The following PIEZO2 variants were observed in gnomAD, a reference collection of about 807,000 sequenced individuals.
The protein encoded by PIEZO2 is piezo-type mechanosensitive ion channel component 2.
In PIEZO2, 172 loss-of-function variants were observed where a neutral mutation model predicts 337.3. The ratio of observed to expected loss-of-function variants is 0.51; its 90% CI spans 0.45 to 0.58. The LOEUF (loss-of-function observed/expected upper bound fraction) is 0.58. Ranked by LOEUF, PIEZO2 falls within the 20% of genes least tolerant of loss-of-function variation. PIEZO2 has a pLI of 0.00. For synonymous variants in PIEZO2, 1,251 were observed against 1,228.5 expected (o/e 1.02, Z -0.38); for missense variants, 3,028 against 3,391.3 (o/e 0.89, Z 2.66).
At chr18:10,718,928 G>GT (rs2036127859) in intron 36 of PIEZO2, among the ~76,000 whole-genome samples, 1 of 151,680 alleles carries the variant, frequency 6.6e-6, no homozygotes, top group African/African-American at 2.4e-5. Flanking sequence ...CCTGGGAGCC[G>GT]TGATTGTGCC....
chr18:10,809,955 T>C (rs2040136075), intron 7 of PIEZO2, among the ~76,000 whole-genome samples: 1 of 152,064 alleles, frequency 6.6e-6, no homozygotes, highest in Admixed American at 6.6e-5. Context: ...ATGACACAAT[T>C]ACAGAGCAGC....
At chr18:10,686,942 G>A (rs550861758) in intron 49 of PIEZO2, among the ~76,000 whole-genome samples, 4 of 152,144 alleles carry the variant, frequency 2.6e-5, no homozygotes, top group Non-Finnish European at 5.9e-5. Flanking sequence ...TCAGGGCAAA[G>A]GACCTAGGAA....
rs918039291 is a variant in PIEZO2 at position 10,795,812 on chromosome 18, C to T, written c.1528-810G>A. Among the ~76,000 whole-genome samples, 18 of 152,136 alleles carry T rather than the reference C, an allele frequency of 1.2e-4. No homozygotes were observed. Among genetic ancestry groups the T allele is most frequent in the African/African-American group, 4.1e-4 (17 of 41,422 alleles). On this transcript the variant is annotated intron_variant, in intron 12 of 55. Transcript: ENST00000674853. This position sits in a 1 kb window ranked among gnomAD's most constrained non-coding sequence, Gnocchi z 4.4. Reference sequence around the variant, plus strand: ...CATCAAAGGTGTCCATAGGATCTCACTGTTGACCACAGAATTTGGAAGAGT... The same window carrying T: ...CATCAAAGGTGTCCATAGGATCTCATTGTTGACCACAGAATTTGGAAGAGT...
Position 11,032,111 on chromosome 18 carries a change from A to G in PIEZO2, c.160+34016T>C, listed in dbSNP as rs972935329. Among the ~76,000 whole-genome samples the G allele has an allele frequency of 1.3e-5, 2 of 152,208 alleles. No homozygotes were observed. The highest frequency in any genetic ancestry group is 2.4e-5 in the African/African-American group (1 of 41,456). On this transcript the variant is annotated intron_variant, in intron 2 of 55. Transcript: ENST00000674853. The surrounding 1 kb of genome is among the most constrained non-coding windows in gnomAD (Gnocchi z 4.9). ...CCAAAGCGTGTGCTACATGGCCCCA[A>G]TCATGCTATTTGAATTGAGTAACAA...
chr18:11,035,713 T>C lies in PIEZO2; in HGVS notation c.160+30414A>G, dbSNP rs2036904567. On this transcript the variant is annotated intron_variant, in intron 2 of 55. Coordinates refer to ENST00000674853, the MANE Select transcript of PIEZO2 (RefSeq NM_001378183.1). This position sits in a 1 kb window ranked among gnomAD's most constrained non-coding sequence, Gnocchi z 4.3. ...GGACACAGAGGGTTGGAAAGTGTGATTATGATGATGAAATTATTATTCCAC... is the reference window on the plus strand; with the variant it reads ...GGACACAGAGGGTTGGAAAGTGTGACTATGATGATGAAATTATTATTCCAC... Among the ~76,000 whole-genome samples the C allele has an allele frequency of 6.6e-6, 1 of 152,182 alleles. No individual in the cohort carries two copies. Among genetic ancestry groups the C allele is most frequent in the Non-Finnish European group, 1.5e-5 (1 of 68,038 alleles).
At chr18:10,857,572 A>T (rs2041741945) in intron 5 of PIEZO2, among the ~76,000 whole-genome samples, 2 of 152,220 alleles carry the variant, frequency 1.3e-5, no homozygotes, top group Admixed American at 6.5e-5. Context: ...TTGGCCACCA[A>T]GGTGATAAGA....
chr18:10,808,336 C>T (rs888493749), intron 7 of PIEZO2, among the ~76,000 whole-genome samples: 6 of 152,180 alleles, frequency 3.9e-5, no homozygotes, highest in African/African-American at 1.4e-4. Flanking sequence ...AAGTGATCCT[C>T]CCAAGTTAGT....
intron 36 of PIEZO2, 122 bp from the exon 37 acceptor site, chr18:10,718,381 TC>T: frequency 1.3e-6 from 1 of 795,854 alleles, no homozygotes; most frequent in Non-Finnish European, 2.0e-6. Flanking sequence ...TTTCAAGAGT[TC>T]CTTGGGGAAA....
At chr18:11,119,152 T>C (rs1339289731) in intron 1 of PIEZO2, among the ~76,000 whole-genome samples, 1 of 37,288 alleles carries the variant, frequency 2.7e-5, no homozygotes, top group Non-Finnish European at 1.6e-4. Context: ...ATTTGCTTTT[T>C]TTTTTTTTTT....
At chr18:11,137,918 T>TA (rs1193174059) in intron 1 of PIEZO2, among the ~76,000 whole-genome samples, 1 of 152,244 alleles carries the variant, frequency 6.6e-6, no homozygotes, top group Non-Finnish European at 1.5e-5. Context: ...GGATGTGACT[T>TA]AAGTTTTACC....
chr18:10,928,492 CAG>C (rs2031889110), intron 3 of PIEZO2, among the ~76,000 whole-genome samples: 3 of 152,192 alleles, frequency 2.0e-5, no homozygotes, highest in Admixed American at 2.0e-4. Context: ...GGGAGGGAGC[CAG>C]AGTTTCATCC....
chr18:11,011,026 C>T (rs141674667), intron 2 of PIEZO2, among the ~76,000 whole-genome samples: 43 of 152,348 alleles, frequency 2.8e-4, no homozygotes, highest in East Asian at 1.3e-3. Flanking sequence ...CCCCATGCTA[C>T]GTGGTGTGAA....
intron 39 of PIEZO2, among the ~76,000 whole-genome samples, chr18:10,710,037 TG>T (rs1428338414): frequency 2.0e-5 from 3 of 152,388 alleles, no homozygotes; most frequent in South Asian, 4.1e-4. Flanking sequence ...TGCCCCTTTC[TG>T]GGGCCCCAAT....
At chr18:10,910,198 T>G (rs2030339134) in intron 4 of PIEZO2, among the ~76,000 whole-genome samples, 1 of 152,244 alleles carries the variant, frequency 6.6e-6, no homozygotes, top group Non-Finnish European at 1.5e-5. Flanking sequence ...ATAGCTATAT[T>G]TCCACTGAAA....
At chr18:10,887,766 A>G (rs1049894484) in intron 4 of PIEZO2, among the ~76,000 whole-genome samples, 12 of 152,066 alleles carry the variant, frequency 7.9e-5, no homozygotes, top group African/African-American at 2.7e-4. Flanking sequence ...CATGCCTTTG[A>G]CAATCTGAAT....
chr18:11,030,089 T>C (rs2036677001), intron 2 of PIEZO2, among the ~76,000 whole-genome samples: 1 of 152,214 alleles, frequency 6.6e-6, no homozygotes, highest in Non-Finnish European at 1.5e-5. Flanking sequence ...TCTCATACTA[T>C]GATCTTTCTA....
chr18:10,996,307 A>G (rs2035317337), intron 2 of PIEZO2, among the ~76,000 whole-genome samples: 1 of 152,242 alleles, frequency 6.6e-6, no homozygotes, highest in African/African-American at 2.4e-5. Context: ...TTTGTCAAGT[A>G]TTCCCTTATA....
In PIEZO2 at chr18:10,761,228, T is replaced by C. The variant is rs563530266; in HGVS notation, c.3250-117A>G. ...AATGTTTTATAAAAGCTCACCTCTC[T>C]TAAGCAGTTTTGAGCTCAATATTCG... is the stretch of plus-strand genomic sequence containing the variant. On this transcript the variant is annotated intron_variant, in intron 23 of 55. Coordinates refer to ENST00000674853, the MANE Select transcript of PIEZO2 (RefSeq NM_001378183.1). 4.1e-5 allele frequency: 37 copies of C among 900,966 alleles called. No individual in the cohort carries two copies. The African/African-American group carries it at 4.2e-4, about 10-fold the overall frequency. The allele number at this position is 900,966 out of a possible 1,614,324, so 55.8% of individuals were successfully genotyped here.
intron 2 of PIEZO2, among the ~76,000 whole-genome samples, chr18:11,024,200 C>T (rs9961099): frequency 0.074 from 11,325 of 152,112 alleles, 1,248 homozygotes; most frequent in African/African-American, 0.24. Flanking sequence ...CCTCTCACTA[C>T]GATAGTGCAA....
Sources: allele counts gnomAD v4.1 joint callset (sites outside exome capture counted in the v4.1 genomes callset), GRCh38; gene constraint gnomAD v4.1.1; non-coding constraint Gnocchi (gnomAD v3.1); transcripts MANE v1.5; gene names NCBI Gene and HGNC (gene_info 2026-07-23, HGNC 2026-07-21).